STAU2: variants seen among roughly 807,000 people sequenced by gnomAD.
The protein encoded by STAU2 is staufen double-stranded RNA binding protein 2, also known as double-stranded RNA-binding protein Staufen homolog 2.
Under a neutral mutation model 65.9 loss-of-function variants are expected in STAU2, and 20 were observed. The ratio of observed to expected loss-of-function variants is 0.30; its 90% CI spans 0.21 to 0.44. STAU2 has a LOEUF of 0.44. Among genes scored for constraint, STAU2 ranks in the 20% least tolerant of loss-of-function variants. STAU2 has a pLI of 1.00. For synonymous variants in STAU2, 232 were observed against 233.9 expected (o/e 0.99, Z 0.07); for missense variants, 558 against 683.9 (o/e 0.82, Z 2.05).
chr8:73,545,876 T>C (rs540977438), intron 13 of STAU2, among the ~76,000 whole-genome samples: 62 of 152,010 alleles, frequency 4.1e-4, no homozygotes, highest in Admixed American at 2.9e-3. Context: ...TTCGATCTCC[T>C]GACCTCGTGA....
At chr8:73,430,047 G>A (rs1817146599) in intron 13 of STAU2, among the ~76,000 whole-genome samples, 1 of 152,156 alleles carries the variant, frequency 6.6e-6, no homozygotes, top group Non-Finnish European at 1.5e-5. Flanking sequence ...TTTGTCACTT[G>A]GGTTTTGTTA....
At chr8:73,744,414 T>C (rs982235641) in intron 1 of STAU2, among the ~76,000 whole-genome samples, 8 of 148,658 alleles carry the variant, frequency 5.4e-5, no homozygotes, top group Non-Finnish European at 1.2e-4. Flanking sequence ...TACCTATAAA[T>C]GATCAGATTC....
chr8:73,690,568 A>T (rs1024190563), intron 4 of STAU2, among the ~76,000 whole-genome samples: 1 of 152,134 alleles, frequency 6.6e-6, no homozygotes, highest in African/African-American at 2.4e-5. Context: ...TACAAGATAG[A>T]TATGTAAGTA....
intron 1 of STAU2, among the ~76,000 whole-genome samples, chr8:73,744,503 C>T (rs915454573): frequency 7.6e-6 from 1 of 132,282 alleles, no homozygotes; most frequent in South Asian, 2.4e-4. Context: ...AAAAAAAAAA[C>T]CTACCATATC....
intron 11 of STAU2, among the ~76,000 whole-genome samples, chr8:73,588,948 C>T (rs550895139): frequency 6.6e-6 from 1 of 152,182 alleles, no homozygotes; most frequent in African/African-American, 2.4e-5. Flanking sequence ...AGAACTATGA[C>T]ACCCACCACA....
At chr8:73,669,787 A>G (rs931908721) in intron 6 of STAU2, among the ~76,000 whole-genome samples, 1 of 152,168 alleles carries the variant, frequency 6.6e-6, no homozygotes, top group African/African-American at 2.4e-5. Flanking sequence ...CATGAGCTCC[A>G]TAAGGACAGG....
chr8:73,550,854 T>G (rs3088139), intron 13 of STAU2: 919,322 of 987,042 alleles, frequency 0.93, 428,233 homozygotes, highest in Middle Eastern at 0.96. Context: ...TTCGGTGAAG[T>G]GAAAAAAAAA....
chr8:73,685,373 T>C (rs1818728237), intron 5 of STAU2, among the ~76,000 whole-genome samples: 1 of 151,288 alleles, frequency 6.6e-6, no homozygotes, highest in African/African-American at 2.4e-5. Flanking sequence ...AAGAAACACT[T>C]TTTTTTTCTT....
At chr8:73,547,589 A>G (rs1807022794) in intron 13 of STAU2, among the ~76,000 whole-genome samples, 1 of 152,196 alleles carries the variant, frequency 6.6e-6, no homozygotes. Flanking sequence ...GAGTTCTAAC[A>G]CATACTTAAG....
At chr8:73,660,412 G>A (rs1816743671) in intron 6 of STAU2, among the ~76,000 whole-genome samples, 1 of 152,216 alleles carries the variant, frequency 6.6e-6, no homozygotes, top group African/African-American at 2.4e-5. Flanking sequence ...CTGGGTGACA[G>A]AGCGAGACAC....
chr8:73,559,830 C>T (rs1485752096), intron 12 of STAU2, among the ~76,000 whole-genome samples: 1 of 152,122 alleles, frequency 6.6e-6, no homozygotes, highest in East Asian at 1.9e-4. Context: ...CCAGATAAGG[C>T]CCTCAGACCC....
At chr8:73,734,369 T>G (rs997117511) in intron 3 of STAU2, among the ~76,000 whole-genome samples, 6 of 152,060 alleles carry the variant, frequency 3.9e-5, no homozygotes, top group African/African-American at 1.4e-4. Flanking sequence ...GCTATTATCT[T>G]AACAGAACAT....
intron 13 of STAU2, among the ~76,000 whole-genome samples, chr8:73,461,859 C>T (rs931047879): frequency 1.4e-4 from 21 of 152,134 alleles, no homozygotes; most frequent in Non-Finnish European, 1.5e-5. Flanking sequence ...AGCCGTGTGG[C>T]CACACCCAGG....
intron 6 of STAU2, among the ~76,000 whole-genome samples, chr8:73,654,678 C>CAA (rs1816194970): frequency 1.6e-5 from 1 of 62,842 alleles, no homozygotes; most frequent in Non-Finnish European, 3.5e-5. Flanking sequence ...TTTTAATTAT[C>CAA]AAACCTTTTT....
chr8:73,530,495 T>C (rs1805742012), intron 13 of STAU2, among the ~76,000 whole-genome samples: 1 of 152,176 alleles, frequency 6.6e-6, no homozygotes, highest in Non-Finnish European at 1.5e-5. Flanking sequence ...TATTTCCAGC[T>C]AGTGGGTAGC....
chr8:73,647,473 C>T (rs1815478844), intron 6 of STAU2, among the ~76,000 whole-genome samples: 1 of 151,996 alleles, frequency 6.6e-6, no homozygotes, highest in Admixed American at 6.6e-5. Flanking sequence ...ATGGAGAACA[C>T]ATTCATGGTT....
chr8:73,574,120 G>A (rs1809326921), intron 12 of STAU2, among the ~76,000 whole-genome samples: 1 of 151,252 alleles, frequency 6.6e-6, no homozygotes, highest in African/African-American at 2.4e-5. Flanking sequence ...CTTCTCAAAA[G>A]AAGACATTTA....
At chr8:73,739,454 A>G (rs1373894941) in intron 2 of STAU2, among the ~76,000 whole-genome samples, 1 of 152,162 alleles carries the variant, frequency 6.6e-6, no homozygotes, top group Admixed American at 6.5e-5. Flanking sequence ...AGAAACTGTT[A>G]TGCTGCTAAA....
intron 13 of STAU2, among the ~76,000 whole-genome samples, chr8:73,538,252 T>C (rs1228934801): frequency 2.0e-5 from 3 of 152,190 alleles, no homozygotes; most frequent in Non-Finnish European, 4.4e-5. Flanking sequence ...GTGATAATTA[T>C]ACTATGGTAA....
Sources: allele counts gnomAD v4.1 joint callset (sites outside exome capture counted in the v4.1 genomes callset), GRCh38; gene constraint gnomAD v4.1.1; transcripts MANE v1.5; gene names NCBI Gene and HGNC (gene_info 2026-07-23, HGNC 2026-07-21).